PAX5: variants seen among roughly 807,000 people sequenced by gnomAD.
The protein encoded by PAX5 is paired box 5, also known as paired box protein Pax-5.
In PAX5, 9 loss-of-function variants were observed where a neutral mutation model predicts 43.7. The ratio of observed to expected loss-of-function variants is 0.21; its 90% CI spans 0.12 to 0.36. PAX5 has a LOEUF of 0.36. Among genes scored for constraint, PAX5 ranks in the 10% least tolerant of loss-of-function variants. PAX5 has a pLI of 1.00. For synonymous variants in PAX5, 228 were observed against 214.3 expected, an observed-to-expected ratio of 1.06 and a Z score of -0.56; for missense variants, 383 against 532.7, an observed-to-expected ratio of 0.72 and a Z score of 2.77.
At chr9:36,937,901 C>G (rs999620462) in intron 6 of PAX5, among the ~76,000 whole-genome samples, 1 of 152,196 alleles carries the variant, frequency 6.6e-6, no homozygotes, top group African/African-American at 2.4e-5. Context: ...GAGAAATAAA[C>G]AGTAACATGT....
At chr9:36,955,884 G>T (rs1025673099) in intron 6 of PAX5, among the ~76,000 whole-genome samples, 1 of 151,506 alleles carries the variant, frequency 6.6e-6, no homozygotes, top group Admixed American at 6.6e-5. Flanking sequence ...CAATAGCTCA[G>T]ATCTTGTTAT....
At chr9:36,991,286 G>A (rs1284682535) in intron 5 of PAX5, among the ~76,000 whole-genome samples, 1 of 152,138 alleles carries the variant, frequency 6.6e-6, no homozygotes, top group Non-Finnish European at 1.5e-5. Context: ...AGGTCACATG[G>A]CTGACAGAAA....
At position 36,882,108 on chromosome 9, in the gene PAX5, G is replaced by A. The variant is rs2131764374; in HGVS notation, c.911-3C>T. The A allele has an allele frequency of 1.3e-6, 2 of 1,580,108 alleles. No homozygotes were observed. Among genetic ancestry groups the A allele is most frequent in the Middle Eastern group, 1.7e-4 (1 of 5,914 alleles). ...GGTCGTGCTCGCCAAGTCACGGCCT[G>A]AGGAATCAAAGCAACAAATCACAGG... On this transcript the variant is annotated splice_polypyrimidine_tract_variant and splice_region_variant and intron_variant, in intron 7 of 9. Coordinates refer to ENST00000358127, the MANE Select transcript of PAX5 (RefSeq NM_016734.3). The surrounding 1 kb of genome is among the most constrained non-coding windows in gnomAD (Gnocchi z 4.4).
At chr9:36,952,399 C>T (rs1041464379) in intron 6 of PAX5, among the ~76,000 whole-genome samples, 8 of 151,964 alleles carry the variant, frequency 5.3e-5, no homozygotes, top group Non-Finnish European at 7.4e-5. Context: ...GCCACCATGC[C>T]TAGCTAATTT....
In PAX5 at chr9:37,034,098, C is replaced by CTTTTTTTTTTTTTTTTTTTTTTTT. The variant is rs576653546; in HGVS notation, c.-91_-68dup. 6.1e-4 allele frequency: 195 copies of CTTTTTTTTTTTTTTTTTTTTTTTT among 320,084 alleles called. 28 individuals are homozygous for CTTTTTTTTTTTTTTTTTTTTTTTT. Among genetic ancestry groups the CTTTTTTTTTTTTTTTTTTTTTTTT allele is most frequent in the East Asian group, 2.3e-3 (43 of 18,426 alleles). The allele number at this position is 320,084 out of a possible 1,614,324, so 19.8% of individuals were successfully genotyped here. On this transcript the variant is annotated 5_prime_UTR_variant, in exon 1 of 10. Transcript: ENST00000358127. ...TCCACTTTTTTGTGCCTTTTTTTTT[C>CTTTTTTTTTTTTTTTTTTTTTTTT]TTTTTTTTTTTTTTTTTTTTTTTTT...
chr9:37,016,401 A>G (rs923081214), intron 2 of PAX5, among the ~76,000 whole-genome samples: 2 of 152,184 alleles, frequency 1.3e-5, no homozygotes, highest in African/African-American at 4.8e-5. Flanking sequence ...AACCAACCAC[A>G]AGTCACGGCA....
intron 7 of PAX5, among the ~76,000 whole-genome samples, chr9:36,904,841 T>A (rs1190889396): frequency 6.6e-6 from 1 of 152,218 alleles, no homozygotes; most frequent in Non-Finnish European, 1.5e-5. Flanking sequence ...CATCCATTCA[T>A]TCATTCAATA....
At chr9:36,942,191 C>T (rs1285097388) in intron 6 of PAX5, among the ~76,000 whole-genome samples, 1 of 152,172 alleles carries the variant, frequency 6.6e-6, no homozygotes, top group Non-Finnish European at 1.5e-5. Context: ...CTCTAGGCAG[C>T]GTCTGAGCTG....
At chr9:36,856,107 G>A (rs1377710729) in intron 8 of PAX5, among the ~76,000 whole-genome samples, 1 of 152,226 alleles carries the variant, frequency 6.6e-6, no homozygotes, top group Non-Finnish European at 1.5e-5. Context: ...GTGACTGACA[G>A]GTCCCTGCAG....
At chr9:36,946,086 C>T (rs563666333) in intron 6 of PAX5, among the ~76,000 whole-genome samples, 42 of 151,330 alleles carry the variant, frequency 2.8e-4, no homozygotes, top group East Asian at 9.8e-4. Context: ...AGGAGTGCTC[C>T]GTCAGGATGC....
At chr9:36,927,908 C>T (rs1366882032) in intron 6 of PAX5, among the ~76,000 whole-genome samples, 1 of 152,252 alleles carries the variant, frequency 6.6e-6, no homozygotes, top group Non-Finnish European at 1.5e-5. Context: ...CAGGGTTTCG[C>T]CATGTTGGCC....
intron 7 of PAX5, among the ~76,000 whole-genome samples, chr9:36,912,622 G>T (rs959463347): frequency 1.3e-5 from 2 of 152,150 alleles, no homozygotes; most frequent in Admixed American, 6.5e-5. Context: ...GTGGCCTTGA[G>T]CAGGTCACTT....
At chr9:37,010,392 C>T (rs1838821484) in intron 3 of PAX5, among the ~76,000 whole-genome samples, 1 of 152,198 alleles carries the variant, frequency 6.6e-6, no homozygotes, top group Admixed American at 6.5e-5. Context: ...CGAGTCAGCC[C>T]AGACTCCCAG....
chr9:36,863,860 C>G (rs1824487762), intron 8 of PAX5, among the ~76,000 whole-genome samples: 2 of 152,218 alleles, frequency 1.3e-5, no homozygotes, highest in Non-Finnish European at 2.9e-5. Context: ...CCTCCAATCC[C>G]AGTACTTTGG....
intron 7 of PAX5, among the ~76,000 whole-genome samples, chr9:36,920,603 C>A (rs552459405): frequency 6.6e-6 from 1 of 152,066 alleles, no homozygotes; most frequent in African/African-American, 2.4e-5. Flanking sequence ...ATCCAAAATG[C>A]GTGGGACCAG....
At chr9:36,992,368 C>A (rs528852572) in intron 5 of PAX5, among the ~76,000 whole-genome samples, 7 of 152,148 alleles carry the variant, frequency 4.6e-5, no homozygotes, top group South Asian at 2.1e-4. Flanking sequence ...ATGGGGTCTC[C>A]AGGTGGCTGC....
At chr9:36,949,305 C>T (rs954327756) in intron 6 of PAX5, among the ~76,000 whole-genome samples, 1 of 152,214 alleles carries the variant, frequency 6.6e-6, no homozygotes, top group Non-Finnish European at 1.5e-5. Context: ...CATGATCCAC[C>T]TGCCTCAGCC....
intron 7 of PAX5, among the ~76,000 whole-genome samples, chr9:36,906,761 C>T (rs1021687512): frequency 2.0e-5 from 3 of 152,274 alleles, no homozygotes; most frequent in African/African-American, 7.2e-5. Context: ...GTTGTTTTCC[C>T]GAGCTCCAGA....
chr9:36,851,448 T>G (rs144399280), intron 8 of PAX5, among the ~76,000 whole-genome samples: 146 of 152,084 alleles, frequency 9.6e-4, no homozygotes, highest in Middle Eastern at 3.4e-3. Flanking sequence ...TCTCCCCACA[T>G]GGAAATCAGA....
Sources: allele counts gnomAD v4.1 joint callset (sites outside exome capture counted in the v4.1 genomes callset), GRCh38; gene constraint gnomAD v4.1.1; non-coding constraint Gnocchi (gnomAD v3.1); transcripts MANE v1.5; gene names NCBI Gene and HGNC (gene_info 2026-07-23, HGNC 2026-07-21).